ANKRD30B: variants seen among roughly 807,000 people sequenced by gnomAD.
ANKRD30B encodes the protein ankyrin repeat domain 30B.
In ANKRD30B, 144 loss-of-function variants were observed where a neutral mutation model predicts 202.2. That is an observed-to-expected ratio of 0.71 (90% CI 0.62 to 0.82). ANKRD30B has a LOEUF of 0.82. Among genes scored for constraint, ANKRD30B ranks in the 40% least tolerant of loss-of-function variants. The probability of loss-of-function intolerance (pLI) is 0.00; values close to 1 mark genes in which losing one functional copy is unlikely to be tolerated. For missense variants in ANKRD30B, 1,487 were observed against 1,669.1 expected (o/e 0.89, Z 1.90); for synonymous variants, 508 against 561.3 (o/e 0.91, Z 1.34).
rs746269014 is a variant in ANKRD30B, at chr18:14,810,281, T to G, written c.2488+101T>G. 22 of 776,586 alleles carry G rather than the reference T, an allele frequency of 2.8e-5. 2 individuals carry two copies. In the East Asian group the frequency reaches 2.9e-4, roughly 10 times the overall value. The allele number at this position is 776,586 out of a possible 1,614,324, so 48.1% of individuals were successfully genotyped here. ...CCAAAGTTGTTTTCTTTTGAAAATT[T>G]GATGGGAAAATTTGATACAAATAAT... On this transcript the variant is annotated intron_variant, in intron 28 of 43. Coordinates refer to ENST00000690538, the MANE Select transcript of ANKRD30B (RefSeq NM_001367607.2).
chr18:14,774,067 C>T (rs889670290), intron 9 of ANKRD30B, among the ~76,000 whole-genome samples: 2 of 152,026 alleles, frequency 1.3e-5, no homozygotes, highest in African/African-American at 2.4e-5. Context: ...TAAATTTTTT[C>T]TCTCTCTGTA....
intron 5 of ANKRD30B, among the ~76,000 whole-genome samples, chr18:14,758,526 T>C (rs1567981716): frequency 6.6e-6 from 1 of 152,192 alleles, no homozygotes; most frequent in African/African-American, 2.4e-5. Context: ...GTGATCCATA[T>C]ATAGACTTCA....
rs750503701 is a variant in ANKRD30B at position 14,810,187 on chromosome 18, T to A, written c.2488+7T>A. On this transcript the variant is annotated splice_region_variant and intron_variant, in intron 28 of 43. Transcript: ENST00000690538. The stretch of plus-strand genomic sequence containing the variant: ...AGAGAAACATTAAAAGCAGGTAAAC[T>A]TTGTAATTTAAATTTTACTCTGGAA... The A allele has an allele frequency of 2.1e-5, 29 of 1,354,774 alleles. 3 individuals carry two copies. The South Asian group carries it at 3.9e-4, about 18-fold the overall frequency. 83.9% of individuals were successfully genotyped at this position (1,354,774 alleles called of 1,614,324 possible). A position where few individuals can be genotyped will look rare whatever the true frequency, so the allele number is the denominator to read the frequency against.
chr18:14,933,021 TC>T, the ANKRD30B span, among the ~76,000 whole-genome samples: 1 of 152,246 alleles, frequency 6.6e-6, no homozygotes, highest in Non-Finnish European at 1.5e-5. Context: ...CAGTGAATCA[TC>T]AATTTTGTTT....
At chr18:14,886,799 C>T in the ANKRD30B span, among the ~76,000 whole-genome samples, 6 of 152,088 alleles carry the variant, frequency 3.9e-5, no homozygotes, top group Non-Finnish European at 5.9e-5. Context: ...AATATGCTCA[C>T]AAGACTACAG....
intron 30 of ANKRD30B, among the ~76,000 whole-genome samples, chr18:14,817,680 G>A (rs899978843): frequency 6.6e-6 from 1 of 152,102 alleles, no homozygotes; most frequent in Admixed American, 6.6e-5. Flanking sequence ...CACTTAGTGA[G>A]GATGTACATT....
Position 14,775,613 on chromosome 18 carries a change from A to G in ANKRD30B, c.1330-2372A>G, listed in dbSNP as rs146213722. 2.0e-3 allele frequency among the ~76,000 whole-genome samples: 307 copies of G among 152,350 alleles called. 1 individual carries two copies. The highest frequency in any genetic ancestry group is 6.8e-3 in the Middle Eastern group (2 of 294). Reference sequence around the variant, plus strand: ...AATAACAACAATTTGGTCGAGTAGTATTTTAATAAGTAGACATTCTTTTCA... The same window carrying G: ...AATAACAACAATTTGGTCGAGTAGTGTTTTAATAAGTAGACATTCTTTTCA... On this transcript the variant is annotated intron_variant, in intron 9 of 43. Transcript: ENST00000690538.
At chr18:14,810,892 T>G (rs1483174530) in intron 28 of ANKRD30B, among the ~76,000 whole-genome samples, 1 of 151,144 alleles carries the variant, frequency 6.6e-6, no homozygotes. Context: ...GGTGGGCAGA[T>G]TACTTAAGGT....
At chr18:14,929,562 G>A in the ANKRD30B span, among the ~76,000 whole-genome samples, 8 of 152,152 alleles carry the variant, frequency 5.3e-5, no homozygotes, top group Non-Finnish European at 1.2e-4. Flanking sequence ...AGGACAATGA[G>A]TCCAATTTTT....
intron 14 of ANKRD30B, among the ~76,000 whole-genome samples, chr18:14,785,188 C>T (rs1441481928): frequency 6.6e-6 from 1 of 152,166 alleles, no homozygotes; most frequent in Non-Finnish European, 1.5e-5. Context: ...TTTACACTAA[C>T]CTACTTTTTA....
intron 41 of ANKRD30B, among the ~76,000 whole-genome samples, chr18:14,851,062 A>G (rs1339018072): frequency 1.3e-5 from 2 of 151,938 alleles, no homozygotes; most frequent in Non-Finnish European, 2.9e-5. Flanking sequence ...TTCTCAGGAA[A>G]AAGGAACTGA....
intron 33 of ANKRD30B, among the ~76,000 whole-genome samples, chr18:14,830,638 G>T (rs1970875181): frequency 6.6e-6 from 1 of 152,142 alleles, no homozygotes; most frequent in Non-Finnish European, 1.5e-5. Context: ...CAATGGATAA[G>T]GGACAAGGTA....
At chr18:14,842,634 A>C (rs2039942953) in intron 37 of ANKRD30B, among the ~76,000 whole-genome samples, 1 of 152,286 alleles carries the variant, frequency 6.6e-6, no homozygotes, top group South Asian at 2.1e-4. Context: ...ATACATATTA[A>C]TATCAACACA....
chr18:14,847,900 A>AT (rs1481738194), intron 39 of ANKRD30B, among the ~76,000 whole-genome samples: 1 of 151,994 alleles, frequency 6.6e-6, no homozygotes, highest in Admixed American at 6.6e-5. Context: ...TCTGGCTTAC[A>AT]TGCAATCTTC....
At chr18:14,837,091 T>C in intron 34 of ANKRD30B, 120 bp from the exon 35 acceptor site, 1 of 629,554 alleles carries the variant, frequency 1.6e-6, no homozygotes, top group Non-Finnish European at 2.8e-6. Context: ...AGATACAAAG[T>C]ATGTTTTTTG....
intron 14 of ANKRD30B, among the ~76,000 whole-genome samples, chr18:14,785,502 T>G (rs1968022325): frequency 6.6e-6 from 1 of 152,226 alleles, no homozygotes; most frequent in Admixed American, 6.5e-5. Flanking sequence ...TTTAAAAAGT[T>G]AGTTTTATGT....
intron 34 of ANKRD30B, among the ~76,000 whole-genome samples, chr18:14,834,624 C>A (rs1281179038): frequency 2.0e-5 from 3 of 151,534 alleles, no homozygotes; most frequent in Non-Finnish European, 4.4e-5. Context: ...AATATAAGGA[C>A]GAGTATAGGT....
At chr18:14,875,082 T>A in the ANKRD30B span, among the ~76,000 whole-genome samples, 1 of 152,130 alleles carries the variant, frequency 6.6e-6, no homozygotes, top group Non-Finnish European at 1.5e-5. Context: ...CACCAGCTGT[T>A]AAAACCTAGC....
At chr18:14,908,378 C>T in the ANKRD30B span, among the ~76,000 whole-genome samples, 1 of 152,190 alleles carries the variant, frequency 6.6e-6, no homozygotes, top group African/African-American at 2.4e-5. Context: ...CTCTTTCTGT[C>T]TGCAGGCCCT....
Sources: gnomAD v4.1 joint callset for allele counts (sites outside exome capture counted in the v4.1 genomes callset) on GRCh38, gnomAD v4.1.1 for gene constraint, MANE v1.5 for transcripts, NCBI Gene and HGNC (gene_info 2026-07-23, HGNC 2026-07-21) for gene names.